Variants in PCDHGA5 observed in about 807,000 individuals in gnomAD.
PCDHGA5 encodes protocadherin gamma-A5.
PCDHGA5 carries 36 observed loss-of-function variants against 56.7 expected under a neutral mutation model. That is an observed-to-expected ratio of 0.64 (90% CI 0.49 to 0.84). PCDHGA5 has a LOEUF of 0.84. Ranked by LOEUF, PCDHGA5 falls within the 40% of genes least tolerant of loss-of-function variation. The pLI, the probability that PCDHGA5 is intolerant of heterozygous loss-of-function variation, is 0.00. For synonymous variants in PCDHGA5, 563 were observed against 520.2 expected (o/e 1.08, Z -1.12); for missense variants, 1,305 against 1,201.5 (o/e 1.09, Z -1.27).
At chr5:141,372,218 T>A (rs1370078185) in intron 1 of PCDHGA5, 10 of 1,613,426 alleles carry the variant, frequency 6.2e-6, no homozygotes, top group East Asian at 4.5e-5. Context: ...CCTACCACAT[T>A]GTGCAGGCCA....
intron 1 of PCDHGA5, among the ~76,000 whole-genome samples, chr5:141,488,434 C>T (rs1231743982): frequency 2.6e-5 from 4 of 152,166 alleles, no homozygotes; most frequent in African/African-American, 7.2e-5. Flanking sequence ...TGGCCTCTGA[C>T]CACCCTCCTG....
At chr5:141,389,757 C>T in intron 1 of PCDHGA5, 2 of 1,612,818 alleles carry the variant, frequency 1.2e-6, no homozygotes, top group East Asian at 2.2e-5. Flanking sequence ...GGGCGAAGTG[C>T]GCACAGCGCG....
rs902790467 is a variant in PCDHGA5 at position 141,395,519 on chromosome 5, C to A, written c.2421+28768C>A. 1.5e-5 allele frequency: 6 copies of A among 409,366 alleles called. 1 individual carries two copies. The highest frequency in any genetic ancestry group is 1.3e-4 in the African/African-American group (6 of 47,696). The allele number at this position is 409,366 out of a possible 1,614,324, so 25.4% of individuals were successfully genotyped here. On this transcript the variant is annotated intron_variant, in intron 1 of 3. Transcript: ENST00000518069. ...TTCACTTAAGAAGTAGCTACCCGTC[C>A]ATACTGGTAATTTTGCTATTGTTTG...
At position 141,512,523 on chromosome 5, in the gene PCDHGA5, T is replaced by A. The variant is rs1222752176; in HGVS notation, c.*1350T>A. 6.5e-6 allele frequency: 1 copy of A among 152,848 alleles called. No homozygotes were observed. The highest frequency in any genetic ancestry group is 1.5e-5 in the Non-Finnish European group (1 of 68,240). 9.5% of individuals were successfully genotyped at this position (152,848 alleles called of 1,614,324 possible). A position where few individuals can be genotyped will look rare whatever the true frequency, so the allele number is the denominator to read the frequency against. The stretch of plus-strand genomic sequence containing the variant: ...AGTGCGCCCCCTAGTGGCCATAGCC[T>A]GGTTAAAGTTCCCCAGTGCCTCCTT... On this transcript the variant is annotated 3_prime_UTR_variant, in exon 4 of 4. Transcript: ENST00000518069.
At chr5:141,466,280 C>T (rs1181499549) in intron 1 of PCDHGA5, among the ~76,000 whole-genome samples, 1 of 152,142 alleles carries the variant, frequency 6.6e-6, no homozygotes, top group Admixed American at 6.6e-5. Flanking sequence ...AAGCAATCTT[C>T]CCACCTCAGG....
intron 1 of PCDHGA5, among the ~76,000 whole-genome samples, chr5:141,484,072 G>A (rs2099591675): frequency 6.6e-6 from 1 of 152,258 alleles, no homozygotes; most frequent in Admixed American, 6.5e-5. Flanking sequence ...TGAAAAGCTT[G>A]CTCTTTTGAA....
At chr5:141,405,596 A>T (rs1024672340) in intron 1 of PCDHGA5, 2 of 578,622 alleles carry the variant, frequency 3.5e-6, no homozygotes, top group Admixed American at 6.3e-5. Flanking sequence ...AGGCCTCCCA[A>T]GTAGAATAAC....
intron 1 of PCDHGA5, chr5:141,377,681 T>C (rs1458996309): frequency 6.6e-6 from 1 of 152,182 alleles, no homozygotes; most frequent in Non-Finnish European, 1.5e-5. Flanking sequence ...ACAAGAGATC[T>C]TTCACCTTTA....
chr5:141,472,853 G>A (rs1283601489), intron 1 of PCDHGA5, among the ~76,000 whole-genome samples: 1 of 151,738 alleles, frequency 6.6e-6, no homozygotes, highest in Non-Finnish European at 1.5e-5. Flanking sequence ...GGGCATGGTG[G>A]CACATGCCTG....
chr5:141,436,962 C>A (rs1462988296), intron 1 of PCDHGA5, among the ~76,000 whole-genome samples: 1 of 152,144 alleles, frequency 6.6e-6, no homozygotes, highest in Non-Finnish European at 1.5e-5. Context: ...AAACAAGGAT[C>A]TTGTGAAACT....
At chr5:141,374,163 C>A (rs764323551) in intron 1 of PCDHGA5, 1 of 1,612,604 alleles carries the variant, frequency 6.2e-7, no homozygotes, top group East Asian at 2.2e-5. Flanking sequence ...TGGGGGGCCG[C>A]GGCAGCGCAG....
intron 1 of PCDHGA5, chr5:141,418,958 G>A: frequency 4.3e-6 from 7 of 1,614,000 alleles, no homozygotes; most frequent in Non-Finnish European, 5.9e-6. Context: ...AGTGGTTGTT[G>A]CCCTCTTCAA....
At chr5:141,410,480 G>A in intron 1 of PCDHGA5, 1 of 1,613,966 alleles carries the variant, frequency 6.2e-7, no homozygotes, top group Non-Finnish European at 8.5e-7. Context: ...TGCACATACG[G>A]GTACAAAAGA....
intron 1 of PCDHGA5, chr5:141,400,228 C>T: frequency 1.2e-6 from 2 of 1,614,030 alleles, no homozygotes; most frequent in African/African-American, 2.7e-5. Flanking sequence ...GCTCTTCCTC[C>T]TGGCCGTGAT....
chr5:141,413,695 T>C lies in PCDHGA5; in HGVS notation c.2421+46944T>C, dbSNP rs573363878. The C allele has an allele frequency of 4.8e-5, 77 of 1,613,796 alleles. 1 individual carries two copies. The highest frequency in any genetic ancestry group is 3.0e-4 in the South Asian group (27 of 91,078). ...TGTGGGCGTGAACTCCCTGCAGAGC[T>C]ATCAGCTCAGCCCCAATAAGCACTT... On this transcript the variant is annotated intron_variant, in intron 1 of 3. Transcript: ENST00000518069.
At chr5:141,492,189 G>C (rs2099737936) in intron 1 of PCDHGA5, among the ~76,000 whole-genome samples, 1 of 152,204 alleles carries the variant, frequency 6.6e-6, no homozygotes, top group Non-Finnish European at 1.5e-5. Context: ...GCACCTGTCT[G>C]CGGGACTTAG....
At chr5:141,458,217 T>C (rs1026901943) in intron 1 of PCDHGA5, among the ~76,000 whole-genome samples, 1 of 152,210 alleles carries the variant, frequency 6.6e-6, no homozygotes, top group Admixed American at 6.5e-5. Context: ...AAAATAAGTT[T>C]CCTTTCCCAG....
At chr5:141,418,015 G>T (rs1385008648) in intron 1 of PCDHGA5, 1 of 1,613,964 alleles carries the variant, frequency 6.2e-7, no homozygotes, top group Non-Finnish European at 8.5e-7. Context: ...ACCTCGCTAA[G>T]GATCTAGGGC....
intron 1 of PCDHGA5, among the ~76,000 whole-genome samples, chr5:141,369,057 G>A (rs907839197): frequency 1.4e-4 from 22 of 152,206 alleles, no homozygotes; most frequent in African/African-American, 5.1e-4. Flanking sequence ...ACATTATGTA[G>A]GCTAAAGATA....
Sources: allele counts gnomAD v4.1 joint callset (sites outside exome capture counted in the v4.1 genomes callset), GRCh38; gene constraint gnomAD v4.1.1; transcripts MANE v1.5; gene names NCBI Gene and HGNC (gene_info 2026-07-23, HGNC 2026-07-21).